Variants in ZNF208 observed in about 807,000 individuals in gnomAD.
ZNF208 encodes zinc finger protein 95.
A neutral mutation model predicts 12.1 loss-of-function variants in ZNF208; 10 were observed. The observed-to-expected ratio is 0.83, with a 90% CI of 0.51 to 1.40. ZNF208 has a LOEUF of 1.40. ZNF208 is among the 40% of genes most tolerant of loss of function. The pLI is 0.00. For synonymous variants in ZNF208, 497 were observed against 488.4 expected (o/e 1.02, Z -0.23); for missense variants, 1,652 against 1,485.0 (o/e 1.11, Z -1.85).
At chr19:22,004,040 T>A (rs1971001595) in intron 1 of ZNF208, among the ~76,000 whole-genome samples, 1 of 151,844 alleles carries the variant, frequency 6.6e-6, no homozygotes, top group Non-Finnish European at 1.5e-5. Flanking sequence ...TAGCTAAGCA[T>A]GGTGGCACAG....
intron 4 of ZNF208, chr19:21,940,088 C>T (rs1204630584): frequency 2.0e-5 from 3 of 152,012 alleles, no homozygotes; most frequent in Non-Finnish European, 2.9e-5. Flanking sequence ...TGGCAGATCA[C>T]GAGGTGGGGA....
Position 21,971,430 on chromosome 19 carries a change from A to T in ZNF208, c.3604T>A (p.Cys1202Ser), listed in dbSNP as rs1477405099. ...TGEKLYKCEE[C>S]GKAYKWPSTL... ...GAGGGCCACTTATAGGCTTTGCCAC[A>T]TTCTTCACATTTGTAGAGTTTCTCT... Residue 1202 changes from cysteine (C) to serine (S), a missense_variant, in exon 4 of 4, where the codon TGT (cysteine) becomes AGT (serine). Cys to Ser is a moderately radical substitution (Grantham distance 112). Coordinates refer to ENST00000397126, the MANE Select transcript of ZNF208 (RefSeq NM_007153.3). 1 of 1,610,184 alleles carries T rather than the reference A, an allele frequency of 6.2e-7. No homozygotes were observed.
chr19:21,990,759 G>C (rs1481953415), intron 1 of ZNF208, among the ~76,000 whole-genome samples: 3 of 152,032 alleles, frequency 2.0e-5, no homozygotes, highest in South Asian at 2.1e-4. Context: ...TCTTCCATTT[G>C]TTTGTATCCT....
intron 1 of ZNF208, among the ~76,000 whole-genome samples, chr19:22,002,573 C>A (rs1226764771): frequency 6.6e-6 from 1 of 151,704 alleles, no homozygotes; most frequent in Non-Finnish European, 1.5e-5. Flanking sequence ...AAATCCGAAT[C>A]GAAAACACAA....
At chr19:21,953,484 A>C (rs1216105577) in intron 4 of ZNF208, among the ~76,000 whole-genome samples, 1 of 152,222 alleles carries the variant, frequency 6.6e-6, no homozygotes, top group Non-Finnish European at 1.5e-5. Context: ...CCTACAAACC[A>C]GAAGAGAGTG....
Position 21,973,741 on chromosome 19 carries a change from G to A in ZNF208, c.1293C>T (p.Gly431=), listed in dbSNP as rs4550599. Residue 431 remains glycine (G), a synonymous_variant, in exon 4 of 4, where the codon GGC becomes GGT. Transcript: ENST00000397126. The part of the protein sequence containing the change: ...GEKPYKCEEC[G]KAFNWSSNLM... ...GGTTTGAGGACCAGTTGAAAGCTTT[G>A]CCACATTCTTCACATTTGTAGGGTT... 6.2e-7 allele frequency: 1 copy of A among 1,612,964 alleles called. No individual in the cohort carries two copies.
intron 4 of ZNF208, among the ~76,000 whole-genome samples, chr19:21,958,321 C>T (rs1176996807): frequency 1.3e-5 from 2 of 152,250 alleles, no homozygotes; most frequent in East Asian, 1.9e-4. Context: ...GCAATCTCTG[C>T]CTGCAGCTCA....
At position 21,967,227 on chromosome 19, in the gene ZNF208, T is replaced by A. The variant is rs1970188213; in HGVS notation, c.*3964A>T. On this transcript the variant is annotated 3_prime_UTR_variant, in exon 4 of 4. Coordinates refer to ENST00000397126, the MANE Select transcript of ZNF208 (RefSeq NM_007153.3). ...TAATCTATATTGAGTTGTTTTTTTT[T>A]TATAGAAAAAGGTAGTACAGTTTTC... 6.6e-6 allele frequency: 1 copy of A among 152,120 alleles called. No individual in the cohort carries two copies. The highest frequency in any genetic ancestry group is 6.6e-5 in the Admixed American group (1 of 15,250). The allele number at this position is 152,120 out of a possible 1,614,324, so 9.4% of individuals were successfully genotyped here.
In ZNF208 at chr19:21,971,594, C is replaced by G; in HGVS notation, c.3440G>C (p.Gly1147Ala). The change falls in exon 4 of 4, where the codon GGC (glycine) becomes GCC (alanine). Residue 1147 changes from glycine (G) to alanine (A), a missense_variant. Transcript: ENST00000397126. Reference protein sequence around the residue: ...GEKPYKCEECGKAYKWSSTLS... With the variant: ...GEKPYKCEECAKAYKWSSTLS... ...GGTTGAGGACCACTTATAGGCTTTG[C>G]CACATTCTTCACATTTGTAGGGTTT... 2 of 1,611,682 alleles carry G rather than the reference C, an allele frequency of 1.2e-6. No individual in the cohort carries two copies. Among genetic ancestry groups the G allele is most frequent in the Non-Finnish European group, 1.7e-6 (2 of 1,179,872 alleles).
At chr19:22,001,209 T>TG (rs1970940368) in intron 1 of ZNF208, among the ~76,000 whole-genome samples, 1 of 152,100 alleles carries the variant, frequency 6.6e-6, no homozygotes, top group African/African-American at 2.4e-5. Flanking sequence ...TGCTTGAACC[T>TG]GGGAGGCGGA....
chr19:21,994,321 T>C (rs894448986), intron 1 of ZNF208, among the ~76,000 whole-genome samples: 1 of 152,192 alleles, frequency 6.6e-6, no homozygotes, highest in African/African-American at 2.4e-5. Flanking sequence ...ATATTTCCCA[T>C]TTATCTGCTT....
intron 3 of ZNF208, among the ~76,000 whole-genome samples, chr19:21,975,851 A>AAAAAAAAATAAAAAAAAAAAAAAAAG (rs377638519): frequency 1.1e-5 from 1 of 91,870 alleles, no homozygotes; most frequent in Non-Finnish European, 2.0e-5. Flanking sequence ...AAAAAAAAAA[A>AAAAAAAAATAAAAAAAAAAAAAAAAG]GCTATCAAGT....
intron 1 of ZNF208, among the ~76,000 whole-genome samples, chr19:22,008,302 C>CTAAAA (rs769207889): frequency 2.0e-5 from 2 of 98,940 alleles, no homozygotes; most frequent in Non-Finnish European, 3.9e-5. Flanking sequence ...GACTCTATCT[C>CTAAAA]AAAAAAAAAA....
chr19:21,984,355 C>T lies in ZNF208; in HGVS notation c.226+2861G>A, dbSNP rs545237531. ...GAATCACAAGGTCAGGAGATCAAGA[C>T]CATTCTGGCCAACATGGTGAAACCC... On this transcript the variant is annotated intron_variant, in intron 3 of 3. Transcript: ENST00000397126. Among the ~76,000 whole-genome samples the T allele has an allele frequency of 2.0e-5, 3 of 152,248 alleles. No homozygotes were observed. The South Asian group carries it at 6.2e-4, about 32-fold the overall frequency.
At chr19:21,982,671 G>A (rs1259720146) in intron 3 of ZNF208, among the ~76,000 whole-genome samples, 5 of 152,026 alleles carry the variant, frequency 3.3e-5, no homozygotes, top group Non-Finnish European at 5.9e-5. Flanking sequence ...CAGATATATA[G>A]ACCAATGGAA....
rs1333735851 is a variant in ZNF208, at chr19:21,974,486, C to A, written c.548G>T (p.Cys183Phe). 1 of 1,613,688 alleles carries A rather than the reference C, an allele frequency of 6.2e-7. No homozygotes were observed. Among genetic ancestry groups the A allele is most frequent in the East Asian group, 2.2e-5 (1 of 44,854 alleles). The change falls in exon 4 of 4, where the codon TGC (cysteine) becomes TTC (phenylalanine). Residue 183 changes from cysteine (C) to phenylalanine (F), a missense_variant. Cys to Phe is a radical substitution (Grantham distance 205, BLOSUM62 -2). Coordinates refer to ENST00000397126, the MANE Select transcript of ZNF208 (RefSeq NM_007153.3). ...LQCKEYVRSF[C>F]MLSHLSQHKR... ...ATGTTGAGATAGGTGTGAAAGCATG[C>A]AAAATGATCTGACGTATTCTTTACA... is the stretch of plus-strand genomic sequence containing the variant.
chr19:21,943,221 G>C (rs1969769259), intron 4 of ZNF208, among the ~76,000 whole-genome samples: 1 of 152,106 alleles, frequency 6.6e-6, no homozygotes, highest in Non-Finnish European at 1.5e-5. Context: ...TGAGTATTTG[G>C]ACTTTGGTTT....
intron 1 of ZNF208, chr19:21,997,991 T>C (rs1970870903): frequency 1.3e-5 from 2 of 151,918 alleles, no homozygotes; most frequent in Admixed American, 6.6e-5. Flanking sequence ...AGATTAGATA[T>C]AAGATTGATC....
rs372689849 is a variant in ZNF208 at position 21,973,197 on chromosome 19, C to T, written c.1837G>A (p.Glu613Lys). Residue 613 changes from glutamate to lysine, a missense_variant, in exon 4 of 4, where the codon GAA becomes AAA. By Grantham distance (56) the Glu-to-Lys change is moderately conservative. Transcript: ENST00000397126. Reference sequence around the variant, plus strand: ...ACCTTACTAAAGGTTTTGCCACATTCTTCACATTTGTAGGGTTTCTCACCA... The same window carrying T: ...ACCTTACTAAAGGTTTTGCCACATTTTTCACATTTGTAGGGTTTCTCACCA... ...HTGEKPYKCE[E>K]CGKTFSKVST... 4.3e-6 allele frequency: 7 copies of T among 1,613,540 alleles called. No individual in the cohort carries two copies. Among genetic ancestry groups the T allele is most frequent in the South Asian group, 1.1e-5 (1 of 91,040 alleles).
Sources: allele counts gnomAD v4.1 joint callset (sites outside exome capture counted in the v4.1 genomes callset), GRCh38; gene constraint gnomAD v4.1.1; transcripts MANE v1.5; gene names NCBI Gene and HGNC (gene_info 2026-07-23, HGNC 2026-07-21).